EVI5: variants seen among roughly 807,000 people sequenced by gnomAD.
EVI5 encodes ecotropic viral integration site 5 protein homolog.
In EVI5, 73 loss-of-function variants were observed where a neutral mutation model predicts 112.0. The observed-to-expected ratio is 0.65, with a 90% CI of 0.54 to 0.79. EVI5 has a LOEUF of 0.79. Ranked by LOEUF, EVI5 falls within the 30% of genes least tolerant of loss-of-function variation. The pLI, the probability that EVI5 is intolerant of heterozygous loss-of-function variation, is 0.00. For synonymous variants in EVI5, 305 were observed against 319.9 expected (o/e 0.95, Z 0.50); for missense variants, 900 against 968.8 (o/e 0.93, Z 0.94).
intron 16 of EVI5, among the ~76,000 whole-genome samples, chr1:92,620,305 C>T (rs909206417): frequency 1.4e-5 from 2 of 147,082 alleles, no homozygotes; most frequent in African/African-American, 2.5e-5. Flanking sequence ...GAGATCACAC[C>T]ATTGCACTCC....
intron 16 of EVI5, among the ~76,000 whole-genome samples, chr1:92,609,599 C>A (rs1429481954): frequency 1.3e-5 from 2 of 152,128 alleles, no homozygotes; most frequent in East Asian, 3.8e-4. Context: ...CTCAAGTAAT[C>A]CGCCCGCCTC....
intron 16 of EVI5, among the ~76,000 whole-genome samples, chr1:92,610,322 G>A (rs1482645634): frequency 1.3e-5 from 2 of 152,128 alleles, no homozygotes; most frequent in East Asian, 3.8e-4. Context: ...ACACTTCAGA[G>A]GGACCCATCT....
At chr1:92,603,490 A>AC in intron 18 of EVI5, among the ~76,000 whole-genome samples, 1 of 152,224 alleles carries the variant, frequency 6.6e-6, no homozygotes, top group Non-Finnish European at 1.5e-5. Context: ...GTATATACAT[A>AC]CAATGGAATA....
chr1:92,649,859 G>A (rs1384989592), intron 13 of EVI5, among the ~76,000 whole-genome samples: 1 of 152,142 alleles, frequency 6.6e-6, no homozygotes, highest in Admixed American at 6.5e-5. Context: ...GTTAATTTTT[G>A]TATACAGTAT....
At chr1:92,570,228 T>C (rs777184125) in intron 18 of EVI5, among the ~76,000 whole-genome samples, 7 of 152,226 alleles carry the variant, frequency 4.6e-5, no homozygotes, top group Non-Finnish European at 8.8e-5. Context: ...TAAACTGATA[T>C]ACTTCCAAGG....
intron 9 of EVI5, among the ~76,000 whole-genome samples, chr1:92,679,751 G>A (rs1046304827): frequency 2.0e-5 from 3 of 152,178 alleles, no homozygotes; most frequent in African/African-American, 7.2e-5. Flanking sequence ...GTATTTTGTA[G>A]TTATCATTAT....
rs190157540 is a variant in EVI5 at position 92,780,048 on chromosome 1, T to A, written c.-82+4788A>T. Among the ~76,000 whole-genome samples, 967 of 152,282 alleles carry A rather than the reference T, an allele frequency of 6.4e-3. 4 individuals carry two copies. Among genetic ancestry groups the A allele is most frequent in the Non-Finnish European group, 0.01 (699 of 68,022 alleles). On this transcript the variant is annotated intron_variant, in intron 1 of 19. Coordinates refer to ENST00000684568, the MANE Select transcript of EVI5 (RefSeq NM_001350197.2). ...TTAAATTGTTAATAATCCCCACATG[T>A]CAAGGGCAGGACCAGGTGGAGATAA...
intron 1 of EVI5, among the ~76,000 whole-genome samples, chr1:92,750,904 A>T (rs1680080267): frequency 6.6e-6 from 1 of 152,178 alleles, no homozygotes; most frequent in Non-Finnish European, 1.5e-5. Context: ...TAATCCCAGC[A>T]CTTTGGGAGG....
In EVI5 at chr1:92,513,846, T is replaced by C. The variant is rs201450382; in HGVS notation, c.2291A>G (p.Asn764Ser). The C allele has an allele frequency of 1.3e-4, 212 of 1,613,736 alleles. 2 individuals are homozygous for C. The Middle Eastern group carries it at 3.6e-3, about 28-fold the overall frequency. Residue 764 changes from asparagine to serine, a missense_variant, in exon 20 of 20, where the codon AAT becomes AGT. Transcript: ENST00000684568. ...FHSSDEDFID[N>S]SLQETGVGFP... The stretch of plus-strand genomic sequence containing the variant: ...ACCAACACCAGTTTCCTGTAAGGAA[T>C]TATCTATAAAATCTTCATCGGAGGA...
chr1:92,768,783 G>A (rs1045147342), intron 1 of EVI5, among the ~76,000 whole-genome samples: 5 of 152,164 alleles, frequency 3.3e-5, no homozygotes, highest in African/African-American at 1.2e-4. Flanking sequence ...GCTGAGGTGA[G>A]AGGACTGCTT....
chr1:92,708,915 G>C (rs1423269883), intron 2 of EVI5, among the ~76,000 whole-genome samples: 3 of 152,110 alleles, frequency 2.0e-5, no homozygotes, highest in Non-Finnish European at 4.4e-5. Flanking sequence ...AAAGAAAATA[G>C]ATCAGCAGCT....
In EVI5 at chr1:92,682,087, T is replaced by C. The variant is rs1366962813; in HGVS notation, c.1098-4869A>G. On this transcript the variant is annotated intron_variant, in intron 9 of 19. Coordinates refer to ENST00000684568, the MANE Select transcript of EVI5 (RefSeq NM_001350197.2). ...TCAGCCTCTCCAAGTGCTGGGATTA[T>C]AGGTGTGAGCCACTGTGCCCGGCCT... 2.6e-5 allele frequency among the ~76,000 whole-genome samples: 4 copies of C among 152,146 alleles called. 1 individual carries two copies. The highest frequency in any genetic ancestry group is 4.1e-4 in the South Asian group (2 of 4,832).
chr1:92,774,745 A>G (rs1485737669), intron 1 of EVI5, among the ~76,000 whole-genome samples: 1 of 152,214 alleles, frequency 6.6e-6, no homozygotes, highest in Non-Finnish European at 1.5e-5. Context: ...TGTGAGTTGG[A>G]TGAGCACAAA....
chr1:92,648,403 TA>T (rs767460793), intron 13 of EVI5, among the ~76,000 whole-genome samples: 34 of 150,606 alleles, frequency 2.3e-4, no homozygotes, highest in Non-Finnish European at 4.3e-4. Flanking sequence ...AATAAAAAAA[TA>T]AAAAAAATAA....
intron 9 of EVI5, among the ~76,000 whole-genome samples, chr1:92,691,308 C>A (rs1669467128): frequency 6.6e-6 from 1 of 151,778 alleles, no homozygotes; most frequent in African/African-American, 2.4e-5. Flanking sequence ...TGAAGTGTCA[C>A]AATTTCTGAG....
intron 18 of EVI5, among the ~76,000 whole-genome samples, chr1:92,573,506 C>T (rs1670610187): frequency 6.6e-6 from 1 of 151,920 alleles, no homozygotes; most frequent in South Asian, 2.1e-4. Flanking sequence ...ATAAATATTT[C>T]CTTTAACTAC....
chr1:92,763,043 T>C (rs1455572313), intron 1 of EVI5, among the ~76,000 whole-genome samples: 1 of 151,312 alleles, frequency 6.6e-6, no homozygotes, highest in Non-Finnish European at 1.5e-5. Context: ...GGTAGGAGGA[T>C]CAATCCCTTG....
intron 15 of EVI5, among the ~76,000 whole-genome samples, chr1:92,625,376 T>C (rs1381205666): frequency 6.6e-6 from 1 of 152,190 alleles, no homozygotes; most frequent in Non-Finnish European, 1.5e-5. Flanking sequence ...ACCAGATAAA[T>C]GTCATTTATC....
chr1:92,608,058 G>A (rs1348649051), intron 16 of EVI5, among the ~76,000 whole-genome samples: 1 of 151,916 alleles, frequency 6.6e-6, no homozygotes, highest in South Asian at 2.1e-4. Flanking sequence ...GGCTGAAGCT[G>A]GAGAATGGCG....
Sources: allele counts gnomAD v4.1 joint callset (sites outside exome capture counted in the v4.1 genomes callset), GRCh38; gene constraint gnomAD v4.1.1; transcripts MANE v1.5; gene names NCBI Gene and HGNC (gene_info 2026-07-23, HGNC 2026-07-21).